The following RP1 variants were observed in gnomAD, a reference collection of about 807,000 sequenced individuals.
RP1 encodes the protein oxygen-regulated protein 1.
In RP1, 16 loss-of-function variants were observed where a neutral mutation model predicts 14.8. The ratio of observed to expected loss-of-function variants is 1.08; its 90% CI spans 0.73 to 1.65. The LOEUF (loss-of-function observed/expected upper bound fraction) is 1.65. Among genes scored for constraint, RP1 ranks in the 40% most tolerant of loss-of-function variants. The pLI is 0.00. For synonymous variants in RP1, 876 were observed against 883.6 expected (o/e 0.99, Z 0.15); for missense variants, 2,631 against 2,535.0 (o/e 1.04, Z -0.81).
chr8:54,713,255 G>A (rs1808332955), intron 15 of RP1, among the ~76,000 whole-genome samples: 1 of 152,128 alleles, frequency 6.6e-6, no homozygotes, highest in South Asian at 2.1e-4. Context: ...TCTTGTATAA[G>A]TAAATCACCT....
chr8:54,658,546 G>A lies in RP1; in HGVS notation c.1171+2331G>A, dbSNP rs1434021588. On this transcript the variant is annotated intron_variant, in intron 6 of 22. Transcript: ENST00000636932. ...AGCCTGGGCGACAGAGCGAGACTCC[G>A]TCTCAAAAAAAAAAAAAAAAAAAAA... Among the ~76,000 whole-genome samples the A allele has an allele frequency of 4.5e-3, 399 of 87,840 alleles. 1 individual carries two copies. The highest frequency in any genetic ancestry group is 0.011 in the Middle Eastern group (1 of 90). The allele number at this position is 87,840 out of a possible 152,430, so 57.6% of individuals were successfully genotyped here.
chr8:54,628,023 A>G lies in RP1; in HGVS notation c.4141A>G (p.Lys1381Glu), dbSNP rs777613936. Residue 1381 changes from lysine to glutamate, a missense_variant, in exon 4 of 4, where the codon AAA becomes GAA. Physicochemically the swap from Lys to Glu is moderately conservative, Grantham distance 56. Coordinates refer to ENST00000220676, the MANE Select transcript of RP1 (RefSeq NM_006269.2). ...AAATATTTTGACAGACCCTGAATAT[A>G]AAAATGGATTTAATACATTGGTGTC... ...DLNILTDPEY[K>E]NGFNTLVSHQ... 4 of 1,614,004 alleles carry G rather than the reference A, an allele frequency of 2.5e-6. No homozygotes were observed. The highest frequency in any genetic ancestry group is 3.4e-6 in the Non-Finnish European group (4 of 1,179,906).
At chr8:54,782,123 A>G (rs904406748) in intron 23 of RP1, among the ~76,000 whole-genome samples, 4 of 152,196 alleles carry the variant, frequency 2.6e-5, no homozygotes, top group Non-Finnish European at 4.4e-5. Flanking sequence ...TGTAAGAATT[A>G]AGTTATGATA....
intron 12 of RP1, among the ~76,000 whole-genome samples, chr8:54,693,422 T>C (rs1448286505): frequency 5.3e-5 from 8 of 152,218 alleles, no homozygotes; most frequent in Non-Finnish European, 8.8e-5. Flanking sequence ...ATGGCCATTT[T>C]CACAATATTG....
intron 27 of RP1, chr8:54,857,189 T>C (rs1381774639): frequency 2.3e-5 from 9 of 385,308 alleles, no homozygotes; most frequent in Non-Finnish European, 3.5e-5. Flanking sequence ...AACAGGAAAA[T>C]GTACAGGTCA....
At chr8:54,647,283 C>T (rs1307601646) in intron 3 of RP1, among the ~76,000 whole-genome samples, 6 of 151,724 alleles carry the variant, frequency 4.0e-5, no homozygotes, top group Admixed American at 2.6e-4. Flanking sequence ...GGTGTGGTGG[C>T]GGGCACCTGT....
chr8:54,656,605 A>G (rs1445908212), intron 6 of RP1, among the ~76,000 whole-genome samples: 1 of 151,900 alleles, frequency 6.6e-6, no homozygotes, highest in African/African-American at 2.4e-5. Context: ...TAGGAAATAA[A>G]ACACAACTGC....
At chr8:54,651,569 C>A (rs1294235225) in intron 4 of RP1, among the ~76,000 whole-genome samples, 1 of 152,010 alleles carries the variant, frequency 6.6e-6, no homozygotes, top group African/African-American at 2.4e-5. Context: ...TCATAGCATT[C>A]TTTTATAATC....
intron 26 of RP1, among the ~76,000 whole-genome samples, chr8:54,855,414 G>T (rs905181420): frequency 2.0e-5 from 3 of 152,184 alleles, no homozygotes; most frequent in African/African-American, 7.2e-5. Flanking sequence ...TATTGTGAAT[G>T]ATGTCGCTAT....
intron 25 of RP1, among the ~76,000 whole-genome samples, chr8:54,851,789 C>G (rs901390006): frequency 2.0e-5 from 3 of 152,194 alleles, no homozygotes; most frequent in Non-Finnish European, 4.4e-5. Context: ...TCTCACTTAC[C>G]TTGTTTCCTT....
At position 54,629,404 on chromosome 8, in the gene RP1, C is replaced by T. The variant is rs947138335; in HGVS notation, c.5522C>T (p.Thr1841Ile). ...HEDLLDVRNE[T>I]CAKERIANHH... ...GACTTGCTGGATGTTCGCAATGAAA[C>T]CTGTGCCAAGGAAAGAATAGCAAAT... The change falls in exon 4 of 4, where the codon ACC (threonine) becomes ATC (isoleucine). Residue 1841 changes from threonine (T) to isoleucine (I), a missense_variant. Coordinates refer to ENST00000220676, the MANE Select transcript of RP1 (RefSeq NM_006269.2). The T allele has an allele frequency of 1.2e-6, 2 of 1,613,974 alleles. No homozygotes were observed. Among genetic ancestry groups the T allele is most frequent in the Admixed American group, 1.7e-5 (1 of 60,004 alleles).
intron 17 of RP1, chr8:54,726,545 AG>A: frequency 2.0e-5 from 29 of 1,450,808 alleles, no homozygotes; most frequent in Non-Finnish European, 2.4e-5. Flanking sequence ...TGGCCATTGC[AG>A]GAAGACTATT....
chr8:54,714,688 C>T (rs1808362235), intron 15 of RP1, among the ~76,000 whole-genome samples: 2 of 152,148 alleles, frequency 1.3e-5, no homozygotes, highest in Non-Finnish European at 2.9e-5. Flanking sequence ...AATAAAACTC[C>T]AGTCTCCCAT....
chr8:54,599,921 A>G (rs1805235807), intron 1 of RP1, among the ~76,000 whole-genome samples: 1 of 152,124 alleles, frequency 6.6e-6, no homozygotes. Context: ...GAGGAAAGGG[A>G]ACTCACTCCT....
At chr8:54,777,761 T>A (rs1208188767) in intron 23 of RP1, among the ~76,000 whole-genome samples, 1 of 152,192 alleles carries the variant, frequency 6.6e-6, no homozygotes, top group Non-Finnish European at 1.5e-5. Context: ...TAATCTGTCT[T>A]GTTTACAGTA....
At chr8:54,620,727 G>C (rs906587486) in intron 1 of RP1, among the ~76,000 whole-genome samples, 3 of 152,002 alleles carry the variant, frequency 2.0e-5, no homozygotes, top group Non-Finnish European at 4.4e-5. Flanking sequence ...GTGTGTTTAG[G>C]TTGTTTTTTC....
At chr8:54,799,639 C>T (rs557219789) in intron 24 of RP1, among the ~76,000 whole-genome samples, 1 of 151,716 alleles carries the variant, frequency 6.6e-6, no homozygotes, top group African/African-American at 2.4e-5. Context: ...ATTATTTATA[C>T]TATTTTTTCT....
intron 17 of RP1, among the ~76,000 whole-genome samples, chr8:54,728,787 TA>T (rs1488077078): frequency 1.3e-5 from 2 of 152,168 alleles, no homozygotes; most frequent in African/African-American, 4.8e-5. Context: ...GAAGGAATCT[TA>T]TTTTTTTAGA....
At chr8:54,805,327 G>A (rs1585707374) in intron 24 of RP1, among the ~76,000 whole-genome samples, 1 of 152,144 alleles carries the variant, frequency 6.6e-6, no homozygotes. Context: ...TCTTTCAGAT[G>A]AAATGTGTAT....
Sources: allele counts gnomAD v4.1 joint callset (sites outside exome capture counted in the v4.1 genomes callset), GRCh38; gene constraint gnomAD v4.1.1; transcripts MANE v1.5; gene names NCBI Gene and HGNC (gene_info 2026-07-23, HGNC 2026-07-21).